RBFOX1: variants seen among roughly 807,000 people sequenced by gnomAD.
RBFOX1 encodes RNA binding fox-1 homolog 1.
In RBFOX1, 8 loss-of-function variants were observed where a neutral mutation model predicts 57.7. That is an observed-to-expected ratio of 0.14 (90% CI 0.08 to 0.25). RBFOX1 has a LOEUF of 0.25. Among genes scored for constraint, RBFOX1 ranks in the 10% least tolerant of loss-of-function variants. The pLI is 1.00. For missense variants in RBFOX1, 611 were observed against 548.5 expected, an observed-to-expected ratio of 1.11 and a Z score of -1.14; for synonymous variants, 326 against 222.4, an observed-to-expected ratio of 1.47 and a Z score of -4.15.
At chr16:6,463,486 C>A (rs968898142) in intron 2 of RBFOX1, among the ~76,000 whole-genome samples, 1 of 152,052 alleles carries the variant, frequency 6.6e-6, no homozygotes, top group Admixed American at 6.5e-5. Flanking sequence ...GGGTCAGAAG[C>A]TTTTTGAACT....
chr16:7,125,231 A>G (rs1462346301), intron 4 of RBFOX1, among the ~76,000 whole-genome samples: 1 of 152,178 alleles, frequency 6.6e-6, no homozygotes, highest in Non-Finnish European at 1.5e-5. Context: ...TCTGCCATTT[A>G]GCAGAGATAG....
chr16:6,218,104 G>A (rs115000126), intron 1 of RBFOX1, among the ~76,000 whole-genome samples: 3,682 of 152,110 alleles, frequency 0.024, 52 homozygotes, highest in Middle Eastern at 0.044. Context: ...CCTTCCCTTT[G>A]GTGCTGTTAG....
At position 7,595,655 on chromosome 16, in the gene RBFOX1, A is replaced by G. The variant is rs779964443; in HGVS notation, c.561+14A>G. 4.5e-6 allele frequency: 7 copies of G among 1,560,330 alleles called. No individual in the cohort carries two copies. The South Asian group carries it at 8.7e-5, about 19-fold the overall frequency. ...CGTAAAATCGAGGTGCATGTTCAAA[A>G]TATTTTCCTTTTCATCTTTTTTATA... On this transcript the variant is annotated intron_variant, in intron 8 of 15. Coordinates refer to ENST00000550418, the MANE Select transcript of RBFOX1 (RefSeq NM_018723.4).
chr16:7,113,347 C>A (rs1208680631), intron 4 of RBFOX1, among the ~76,000 whole-genome samples: 2 of 152,008 alleles, frequency 1.3e-5, no homozygotes, highest in African/African-American at 4.8e-5. Context: ...TAATGAAAAA[C>A]ACTGTTTTTA....
At chr16:6,776,867 C>T (rs546755520) in intron 3 of RBFOX1, among the ~76,000 whole-genome samples, 2 of 152,312 alleles carry the variant, frequency 1.3e-5, no homozygotes, top group East Asian at 1.9e-4. Context: ...GTGAAATGAA[C>T]ATGGCATGTG....
rs192824508 is a variant in RBFOX1, at chr16:5,913,535, G to A, written c.351+46200G>A. On this transcript the variant is annotated intron_variant, in intron 4 of 19. Transcript: ENST00000641259. ...ACACACCTGCACCCCTTTGCTTTCCGCTGTGATTGAAAACTCTCTGAGATC... is the reference window on the plus strand; with the variant it reads ...ACACACCTGCACCCCTTTGCTTTCCACTGTGATTGAAAACTCTCTGAGATC... 2.2e-3 allele frequency among the ~76,000 whole-genome samples: 339 copies of A among 152,164 alleles called. 1 individual carries two copies. Among genetic ancestry groups the A allele is most frequent in the Non-Finnish European group, 3.5e-3 (239 of 68,016 alleles).
At chr16:6,970,451 A>C (rs1371402659) in intron 3 of RBFOX1, among the ~76,000 whole-genome samples, 1 of 152,100 alleles carries the variant, frequency 6.6e-6, no homozygotes, top group Non-Finnish European at 1.5e-5. Flanking sequence ...AGCCTGGGTA[A>C]TGTATCAACA....
At chr16:5,675,220 A>G (rs1043300095) in intron 3 of RBFOX1, among the ~76,000 whole-genome samples, 2 of 151,650 alleles carry the variant, frequency 1.3e-5, no homozygotes, top group Non-Finnish European at 2.9e-5. Flanking sequence ...GTACTCACGC[A>G]CACACACACA....
At chr16:5,640,844 C>G (rs1049467799) in intron 3 of RBFOX1, among the ~76,000 whole-genome samples, 1 of 151,246 alleles carries the variant, frequency 6.6e-6, no homozygotes, top group South Asian at 2.1e-4. Context: ...CACACACACA[C>G]ACACACACAC....
chr16:5,876,980 A>G (rs2057628644), intron 4 of RBFOX1, among the ~76,000 whole-genome samples: 1 of 152,214 alleles, frequency 6.6e-6, no homozygotes, highest in South Asian at 2.1e-4. Flanking sequence ...GTTCAGAATC[A>G]GTCTAGAACG....
intron 2 of RBFOX1, among the ~76,000 whole-genome samples, chr16:5,541,589 G>A (rs1239937808): frequency 1.3e-5 from 2 of 152,164 alleles, no homozygotes; most frequent in African/African-American, 2.4e-5. Flanking sequence ...AATCAGATAT[G>A]CGTTTATCTC....
In RBFOX1 at chr16:6,896,430, T is replaced by A. The variant is rs376443537; in HGVS notation, c.-15-155627T>A. Among the ~76,000 whole-genome samples the A allele has an allele frequency of 1.1e-3, 175 of 152,324 alleles. 7 individuals are homozygous for A. The South Asian group carries it at 0.036, about 31-fold the overall frequency. On this transcript the variant is annotated intron_variant, in intron 3 of 15. Coordinates refer to ENST00000550418, the MANE Select transcript of RBFOX1 (RefSeq NM_018723.4). ...TCAACCATCCCTACTTTCCCCTCTT[T>A]CAGCCCTGGTAACTATCCTTCTACT...
chr16:5,952,077 G>A (rs13335796), intron 4 of RBFOX1, among the ~76,000 whole-genome samples: 121,715 of 149,876 alleles, frequency 0.81, 49,599 homozygotes, highest in African/African-American at 0.87. Context: ...ATAAATATAT[G>A]TGTATATATG....
At chr16:6,656,782 C>T (rs146889275) in intron 3 of RBFOX1, among the ~76,000 whole-genome samples, 2 of 152,078 alleles carry the variant, frequency 1.3e-5, no homozygotes, top group African/African-American at 4.8e-5. Context: ...GGTGATGCAT[C>T]TTAGTGATAA....
chr16:7,648,221 ATTTATTTATTTT>A (rs1015241628), intron 11 of RBFOX1, among the ~76,000 whole-genome samples: 1 of 151,998 alleles, frequency 6.6e-6, no homozygotes, highest in African/African-American at 2.4e-5. Context: ...AAAATTATTT[ATTTATTTATTTT>A]TTTTGAGACT....
chr16:7,172,273 C>A (rs1278516466), intron 4 of RBFOX1, among the ~76,000 whole-genome samples: 1 of 152,060 alleles, frequency 6.6e-6, no homozygotes. Flanking sequence ...CAAACCCCAT[C>A]AAAAAAACCA....
At chr16:6,264,216 C>T (rs567873430) in intron 1 of RBFOX1, among the ~76,000 whole-genome samples, 2 of 152,252 alleles carry the variant, frequency 1.3e-5, no homozygotes, top group East Asian at 1.9e-4. Flanking sequence ...ATCACTTTGA[C>T]TACCAATTTT....
chr16:6,238,208 G>A (rs950643402), intron 1 of RBFOX1, among the ~76,000 whole-genome samples: 1 of 151,932 alleles, frequency 6.6e-6, no homozygotes, highest in African/African-American at 2.4e-5. Flanking sequence ...TTACAGTGAT[G>A]GCATTAGGTC....
At chr16:5,703,670 A>T (rs1341733817) in intron 3 of RBFOX1, among the ~76,000 whole-genome samples, 1 of 152,160 alleles carries the variant, frequency 6.6e-6, no homozygotes, top group Non-Finnish European at 1.5e-5. Flanking sequence ...TAACTCTCTG[A>T]GCCCAGTTTT....
Sources: allele counts gnomAD v4.1 joint callset (sites outside exome capture counted in the v4.1 genomes callset), GRCh38; gene constraint gnomAD v4.1.1; transcripts MANE v1.5; gene names NCBI Gene and HGNC (gene_info 2026-07-23, HGNC 2026-07-21).